Variants in LRP1B observed in about 807,000 individuals in gnomAD.
LRP1B encodes the protein low-density lipoprotein receptor-related protein 1B.
Under a neutral mutation model 556.6 loss-of-function variants are expected in LRP1B, and 217 were observed. That is an observed-to-expected ratio of 0.39 (90% CI 0.35 to 0.44). The LOEUF (loss-of-function observed/expected upper bound fraction) is 0.44. LRP1B is among the 20% of genes least tolerant of loss of function. LRP1B has a pLI of 1.00. For synonymous variants in LRP1B, 2,047 were observed against 1,865.8 expected (o/e 1.10, Z -2.50); for missense variants, 5,053 against 5,620.8 (o/e 0.90, Z 3.23).
chr2:141,307,150 T>C (rs1040979689), intron 3 of LRP1B, among the ~76,000 whole-genome samples: 1 of 152,156 alleles, frequency 6.6e-6, no homozygotes, highest in African/African-American at 2.4e-5. Context: ...AAATCCTTTT[T>C]TTTTTCTGTT....
At chr2:140,338,740 T>C (rs1225074850) in intron 77 of LRP1B, among the ~76,000 whole-genome samples, 3 of 151,570 alleles carry the variant, frequency 2.0e-5, no homozygotes, top group Non-Finnish European at 4.4e-5. Flanking sequence ...AAAAGTACAC[T>C]GACATTCTGA....
At chr2:142,065,808 A>C (rs1705088626) in intron 1 of LRP1B, among the ~76,000 whole-genome samples, 1 of 151,340 alleles carries the variant, frequency 6.6e-6, no homozygotes, top group South Asian at 2.1e-4. Context: ...TCAAAATCCA[A>C]AAACTTATTT....
intron 2 of LRP1B, among the ~76,000 whole-genome samples, chr2:141,716,969 AG>A (rs10708302): frequency 0.94 from 142,136 of 151,624 alleles, 66,651 homozygotes; most frequent in Middle Eastern, 0.97. Flanking sequence ...CATGATCCAC[AG>A]GGGGGGGTCG....
intron 84 of LRP1B, among the ~76,000 whole-genome samples, chr2:140,288,095 C>T (rs1425706466): frequency 3.3e-5 from 5 of 150,782 alleles, no homozygotes; most frequent in Non-Finnish European, 7.4e-5. Flanking sequence ...AATCTTTCCT[C>T]CTTTCTCTCA....
chr2:141,192,277 GT>G (rs1233285115), intron 6 of LRP1B, among the ~76,000 whole-genome samples: 4 of 151,844 alleles, frequency 2.6e-5, no homozygotes, highest in African/African-American at 9.7e-5. Context: ...GCATTTAAAG[GT>G]TTTCCAAATT....
chr2:141,188,333 T>C (rs1297987341), intron 7 of LRP1B, 88 bp downstream of exon 7: 11 of 1,324,524 alleles, frequency 8.3e-6, no homozygotes, highest in Non-Finnish European at 1.2e-5. Context: ...TCTGTAGTCT[T>C]ATTTTCCACA....
At position 140,457,528 on chromosome 2, in the gene LRP1B, G is replaced by C. The variant is rs1433391515; in HGVS notation, c.9749C>G (p.Ser3250Ter). 1 of 1,613,880 alleles carries C rather than the reference G, an allele frequency of 6.2e-7. No individual in the cohort carries two copies. The highest frequency in any genetic ancestry group is 8.5e-7 in the Non-Finnish European group (1 of 1,179,812). ...AHKTSGADRLSLIYSWHAITD... is the reference protein window; with the variant it reads ...AHKTSGADRL ...GATGGCATGCCATGAGTAAATCAGT[G>C]AGAGTCTGTCTGCTCCCGATGTTTT... The change falls in exon 61 of 91, where the codon TCA (serine) becomes TGA (stop). Residue 3250 changes from serine to a stop codon, truncating the protein, a stop_gained. Transcript: ENST00000389484. LOFTEE classifies it high-confidence loss of function.
At chr2:140,549,584 G>A (rs1275700861) in intron 43 of LRP1B, among the ~76,000 whole-genome samples, 6 of 152,162 alleles carry the variant, frequency 3.9e-5, no homozygotes, top group Admixed American at 3.9e-4. Flanking sequence ...GCACATAGAA[G>A]GACAGGAGCA....
chr2:141,130,466 A>T (rs11677400), intron 7 of LRP1B, among the ~76,000 whole-genome samples: 2 of 151,940 alleles, frequency 1.3e-5, no homozygotes, highest in South Asian at 4.1e-4. Flanking sequence ...TGTGTTACAT[A>T]CCATGTAATT....
At chr2:142,064,207 T>A (rs1705019383) in intron 1 of LRP1B, among the ~76,000 whole-genome samples, 1 of 151,550 alleles carries the variant, frequency 6.6e-6, no homozygotes, top group Non-Finnish European at 1.5e-5. Context: ...ATCCTATTAG[T>A]GGCCCACCTA....
At chr2:141,786,017 T>C (rs867489026) in intron 2 of LRP1B, among the ~76,000 whole-genome samples, 2 of 151,896 alleles carry the variant, frequency 1.3e-5, no homozygotes, top group South Asian at 4.1e-4. Flanking sequence ...GTTTTGGAGA[T>C]GATGGAGTGA....
intron 7 of LRP1B, among the ~76,000 whole-genome samples, chr2:141,073,853 A>G (rs189718202): frequency 2.0e-4 from 30 of 152,136 alleles, no homozygotes; most frequent in Non-Finnish European, 2.9e-4. Context: ...TTGAATCTGT[A>G]TATTTATCTC....
intron 53 of LRP1B, among the ~76,000 whole-genome samples, chr2:140,504,841 C>A (rs1045352242): frequency 6.6e-6 from 1 of 152,110 alleles, no homozygotes; most frequent in Non-Finnish European, 1.5e-5. Flanking sequence ...TCACAATAAC[C>A]CCCTAACTAG....
intron 6 of LRP1B, among the ~76,000 whole-genome samples, chr2:141,206,519 G>A (rs1057331850): frequency 6.6e-6 from 1 of 151,902 alleles, no homozygotes; most frequent in Non-Finnish European, 1.5e-5. Context: ...TACAGGAGGC[G>A]GAGCTTGCAG....
At chr2:140,604,498 A>G (rs1682794970) in intron 41 of LRP1B, among the ~76,000 whole-genome samples, 1 of 152,158 alleles carries the variant, frequency 6.6e-6, no homozygotes, top group African/African-American at 2.4e-5. Context: ...AAAGGACTTC[A>G]GTTCATAGAG....
At chr2:142,051,426 G>A (rs1704450635) in intron 1 of LRP1B, among the ~76,000 whole-genome samples, 1 of 150,918 alleles carries the variant, frequency 6.6e-6, no homozygotes, top group Non-Finnish European at 1.5e-5. Context: ...GAATAATGGT[G>A]GAAAAAAGTA....
intron 7 of LRP1B, among the ~76,000 whole-genome samples, chr2:141,064,062 CAA>C (rs1201408605): frequency 6.6e-6 from 1 of 151,504 alleles, no homozygotes; most frequent in Non-Finnish European, 1.5e-5. Context: ...TGACCCCTGA[CAA>C]AAAAAGAGGC....
chr2:140,402,876 A>C (rs1053225725), intron 66 of LRP1B, among the ~76,000 whole-genome samples: 1 of 152,206 alleles, frequency 6.6e-6, no homozygotes, highest in Non-Finnish European at 1.5e-5. Context: ...AGTAAATGAG[A>C]AAGTGCATAC....
chr2:140,506,119 T>C (rs905158065), intron 53 of LRP1B, among the ~76,000 whole-genome samples: 1 of 89,944 alleles, frequency 1.1e-5, no homozygotes, highest in African/African-American at 3.9e-5. Flanking sequence ...CTGAATTATG[T>C]TTTTTTTACT....
Sources: gnomAD v4.1 joint callset for allele counts (sites outside exome capture counted in the v4.1 genomes callset) on GRCh38, gnomAD v4.1.1 for gene constraint, MANE v1.5 for transcripts, NCBI Gene and HGNC (gene_info 2026-07-23, HGNC 2026-07-21) for gene names.